The following XKR6 variants were observed in gnomAD, a reference collection of about 807,000 sequenced individuals.
XKR6 encodes XK-related protein 6.
In XKR6, 22 loss-of-function variants were observed where a neutral mutation model predicts 56.7. The ratio of observed to expected loss-of-function variants is 0.39; its 90% CI spans 0.28 to 0.55. XKR6 has a LOEUF of 0.55. XKR6 is among the 20% of genes least tolerant of loss of function. The pLI is 0.66. For synonymous variants in XKR6, 524 were observed against 387.8 expected (o/e 1.35, Z -4.13); for missense variants, 852 against 889.0 (o/e 0.96, Z 0.53).
intron 1 of XKR6, among the ~76,000 whole-genome samples, chr8:11,098,927 G>C (rs771385619): frequency 1.3e-5 from 2 of 152,134 alleles, no homozygotes; most frequent in Non-Finnish European, 2.9e-5. Context: ...ATGATTATTA[G>C]GTTCTGAATT....
intron 1 of XKR6, among the ~76,000 whole-genome samples, chr8:10,951,509 G>A (rs1198907951): frequency 6.6e-6 from 1 of 152,250 alleles, no homozygotes; most frequent in East Asian, 1.9e-4. Flanking sequence ...AACAGCAGCA[G>A]TGGCTACCAG....
rs559362779 is a variant in XKR6, at chr8:11,165,448, G to C, written c.764+35128C>G. ...CTGCAGGTGTACTTCTTTAGTTTTAGGGAGAATTTTAACCAAATGATATTT... is the reference window on the plus strand; with the variant it reads ...CTGCAGGTGTACTTCTTTAGTTTTACGGAGAATTTTAACCAAATGATATTT... On this transcript the variant is annotated intron_variant, in intron 1 of 2. Transcript: ENST00000416569. Among the ~76,000 whole-genome samples the C allele has an allele frequency of 8.5e-5, 13 of 152,176 alleles. No homozygotes were observed. The East Asian group carries it at 2.3e-3, about 27-fold the overall frequency.
At chr8:11,050,771 T>C (rs1336571817) in intron 1 of XKR6, among the ~76,000 whole-genome samples, 2 of 151,998 alleles carry the variant, frequency 1.3e-5, no homozygotes, top group East Asian at 3.9e-4. Flanking sequence ...TCTTCCCTCA[T>C]GTCCCCACAG....
intron 1 of XKR6, among the ~76,000 whole-genome samples, chr8:11,081,859 G>A (rs1040496403): frequency 2.0e-5 from 3 of 152,210 alleles, no homozygotes; most frequent in African/African-American, 7.2e-5. Flanking sequence ...CTGCCTCTTG[G>A]CCTGTGTCAA....
intron 1 of XKR6, among the ~76,000 whole-genome samples, chr8:11,054,423 C>A (rs1799630054): frequency 6.6e-6 from 1 of 152,236 alleles, no homozygotes; most frequent in Admixed American, 6.5e-5. Flanking sequence ...GTTCAAGTTG[C>A]ACACTGCCCA....
intron 1 of XKR6, chr8:11,106,712 T>C (rs1798688365): frequency 6.6e-6 from 1 of 151,880 alleles, no homozygotes; most frequent in Admixed American, 6.6e-5. Flanking sequence ...TAGCTGGGCA[T>C]GGTGGTGGGC....
Position 11,110,703 on chromosome 8 carries a change from C to T in XKR6, c.764+89873G>A, listed in dbSNP as rs995843918. On this transcript the variant is annotated intron_variant, in intron 1 of 2. Transcript: ENST00000416569. ...GGAACAGGTAAGAAAAAAAGATAGC[C>T]GCTCGAGGACTTTCTGACTTTCCTA... Among the ~76,000 whole-genome samples, 3 of 152,176 alleles carry T rather than the reference C, an allele frequency of 2.0e-5. 1 individual carries two copies. The highest frequency in any genetic ancestry group is 2.0e-4 in the Admixed American group (3 of 15,278).
chr8:10,973,177 A>T (rs1802457782), intron 1 of XKR6, among the ~76,000 whole-genome samples: 1 of 152,230 alleles, frequency 6.6e-6, no homozygotes, highest in Admixed American at 6.5e-5. Flanking sequence ...ATCTATTTTG[A>T]AAGAGTGAGC....
chr8:11,193,041 A>G (rs1054668492), intron 1 of XKR6, among the ~76,000 whole-genome samples: 1 of 152,210 alleles, frequency 6.6e-6, no homozygotes, highest in Non-Finnish European at 1.5e-5. Context: ...TGAATGTTTT[A>G]GCTCACCTAC....
intron 1 of XKR6, among the ~76,000 whole-genome samples, chr8:11,096,087 G>C (rs953683408): frequency 6.6e-6 from 1 of 152,188 alleles, no homozygotes; most frequent in Admixed American, 6.5e-5. Flanking sequence ...GAAAATATAT[G>C]TACCAGTGAC....
chr8:10,937,663 T>G (rs1362823355), intron 1 of XKR6, among the ~76,000 whole-genome samples: 1 of 149,400 alleles, frequency 6.7e-6, no homozygotes, highest in Non-Finnish European at 1.5e-5. Flanking sequence ...CCCTGCCGTG[T>G]GAGGTGTCAG....
chr8:11,148,426 G>A (rs1053467126), intron 1 of XKR6, among the ~76,000 whole-genome samples: 3 of 152,168 alleles, frequency 2.0e-5, no homozygotes, highest in Non-Finnish European at 4.4e-5. Flanking sequence ...CAATGCTCCT[G>A]GCACCTTGAT....
chr8:11,139,404 T>A (rs73547435), intron 1 of XKR6, among the ~76,000 whole-genome samples: 15 of 152,072 alleles, frequency 9.9e-5, no homozygotes, highest in African/African-American at 3.1e-4. Flanking sequence ...AGAGGAGGCA[T>A]GGGCTCTCGG....
At chr8:11,154,839 T>C (rs887439527) in intron 1 of XKR6, among the ~76,000 whole-genome samples, 2 of 152,236 alleles carry the variant, frequency 1.3e-5, no homozygotes, top group Admixed American at 6.5e-5. Context: ...TTTCTTTCCA[T>C]TGACTGCCTC....
chr8:11,054,729 G>T (rs1338766364), intron 1 of XKR6, among the ~76,000 whole-genome samples: 1 of 152,216 alleles, frequency 6.6e-6, no homozygotes, highest in Non-Finnish European at 1.5e-5. Flanking sequence ...AAGGAGGAAG[G>T]AAGTGTGGGT....
chr8:11,191,304 A>C (rs1463253303), intron 1 of XKR6, among the ~76,000 whole-genome samples: 1 of 152,222 alleles, frequency 6.6e-6, no homozygotes, highest in Non-Finnish European at 1.5e-5. Context: ...AAGGATTCCC[A>C]AAAGACACTA....
intron 1 of XKR6, among the ~76,000 whole-genome samples, chr8:11,164,533 G>C (rs1038095341): frequency 2.0e-5 from 3 of 152,174 alleles, no homozygotes; most frequent in African/African-American, 7.2e-5. Context: ...AGAGGTTCTT[G>C]TTTTAAGTCC....
chr8:11,028,201 T>G (rs1467813953), intron 1 of XKR6, among the ~76,000 whole-genome samples: 1 of 152,140 alleles, frequency 6.6e-6, no homozygotes, highest in Non-Finnish European at 1.5e-5. Context: ...GTCATCTAGT[T>G]GGAATCATAC....
chr8:11,033,234 G>T lies in XKR6; in HGVS notation c.765-108404C>A, dbSNP rs539977132. 4.0e-5 allele frequency among the ~76,000 whole-genome samples: 6 copies of T among 151,564 alleles called. No homozygotes were observed. In the East Asian group the frequency reaches 1.2e-3, roughly 29 times the overall value. On this transcript the variant is annotated intron_variant, in intron 1 of 2. Coordinates refer to ENST00000416569, the MANE Select transcript of XKR6 (RefSeq NM_173683.4). ...TGCTAAGGATGGTTACGATGGTGAT[G>T]GTGGTGGTGACAGTGGAGATGCTAA...
Sources: allele counts gnomAD v4.1 joint callset (sites outside exome capture counted in the v4.1 genomes callset), GRCh38; gene constraint gnomAD v4.1.1; transcripts MANE v1.5; gene names NCBI Gene and HGNC (gene_info 2026-07-23, HGNC 2026-07-21).